The following TRHDE variants were observed in gnomAD, a reference collection of about 807,000 sequenced individuals.
TRHDE encodes thyrotropin-releasing hormone-degrading ectoenzyme.
A neutral mutation model predicts 125.7 loss-of-function variants in TRHDE; 72 were observed. The observed-to-expected ratio is 0.57, with a 90% CI of 0.47 to 0.70. TRHDE has a LOEUF of 0.70. Ranked by LOEUF, TRHDE falls within the 30% of genes least tolerant of loss-of-function variation. TRHDE has a pLI of 0.00. For missense variants in TRHDE, 1,110 were observed against 1,327.1 expected (o/e 0.84, Z 2.54); for synonymous variants, 509 against 509.1 (o/e 1.00, Z 0.00).
intron 3 of TRHDE, among the ~76,000 whole-genome samples, chr12:72,386,023 G>A (rs1872398983): frequency 6.6e-6 from 1 of 152,158 alleles, no homozygotes; most frequent in Non-Finnish European, 1.5e-5. Context: ...GATAGTAAGT[G>A]GCCTCTTCTC....
At chr12:72,380,341 A>G (rs539032530) in intron 3 of TRHDE, among the ~76,000 whole-genome samples, 3 of 152,346 alleles carry the variant, frequency 2.0e-5, no homozygotes, top group South Asian at 2.1e-4. Flanking sequence ...CATTTGTAGC[A>G]TATCAGATTG....
intron 2 of TRHDE, among the ~76,000 whole-genome samples, chr12:72,372,381 C>A (rs1050630380): frequency 3.9e-5 from 6 of 152,062 alleles, no homozygotes; most frequent in African/African-American, 1.5e-4. Flanking sequence ...TGTGCAGAAG[C>A]TCTTTAGTTT....
intron 2 of TRHDE, among the ~76,000 whole-genome samples, chr12:72,159,828 T>A (rs1039785089): frequency 1.3e-5 from 2 of 152,194 alleles, no homozygotes; most frequent in African/African-American, 4.8e-5. Context: ...GCAAATACTA[T>A]GTTAAGTTCT....
intron 6 of TRHDE, among the ~76,000 whole-genome samples, chr12:72,517,103 C>A (rs1878908865): frequency 6.6e-6 from 1 of 151,658 alleles, no homozygotes; most frequent in East Asian, 1.9e-4. Context: ...GTCTAAAATT[C>A]TCTTTTTTGG....
chr12:72,472,953 A>G (rs1876717826), intron 4 of TRHDE, 114 bp from the exon 5 acceptor site: 7 of 843,290 alleles, frequency 8.3e-6, no homozygotes, highest in Non-Finnish European at 1.3e-5. Flanking sequence ...CACAAAATCA[A>G]CTGGGGAATG....
At chr12:72,146,592 A>T (rs1320895944) in intron 2 of TRHDE, among the ~76,000 whole-genome samples, 2 of 152,234 alleles carry the variant, frequency 1.3e-5, no homozygotes, top group African/African-American at 4.8e-5. Context: ...TCTGCAGCTC[A>T]AACCCCTTGA....
intron 10 of TRHDE, among the ~76,000 whole-genome samples, chr12:72,574,874 G>C (rs1870916734): frequency 1.3e-5 from 2 of 152,070 alleles, no homozygotes; most frequent in Non-Finnish European, 2.9e-5. Context: ...CAAATTAGTA[G>C]AATATGCATC....
intron 5 of TRHDE, among the ~76,000 whole-genome samples, chr12:72,489,190 GA>G (rs1365673034): frequency 2.1e-5 from 3 of 142,884 alleles, no homozygotes; most frequent in African/African-American, 7.7e-5. Context: ...AAAAACCATA[GA>G]AAAAATCAAT....
chr12:72,458,566 AC>A, intron 3 of TRHDE, among the ~76,000 whole-genome samples: 1 of 151,762 alleles, frequency 6.6e-6, no homozygotes, highest in Admixed American at 6.6e-5. Flanking sequence ...CTTTTCCCCG[AC>A]CCCAGCCTCT....
At position 72,224,075 on chromosome 12, in the gene TRHDE, T is replaced by C. The variant is rs11179117; in HGVS notation, n.279+118323T>C. On this transcript the variant is annotated intron_variant and non_coding_transcript_variant, in intron 2 of 4. Coordinates refer to the TRHDE transcript ENST00000548156. ...TGTATATGTGTCCTTCCTATCTATCTATCCATCTATCTATCCATCTATCTA... is the reference window on the plus strand; with the variant it reads ...TGTATATGTGTCCTTCCTATCTATCCATCCATCTATCTATCCATCTATCTA... Among the ~76,000 whole-genome samples, 19 of 67,490 alleles carry C rather than the reference T, an allele frequency of 2.8e-4. 1 individual carries two copies. In the South Asian group the frequency reaches 6.1e-3, roughly 22 times the overall value. The allele number at this position is 67,490 out of a possible 152,430, so 44.3% of individuals were successfully genotyped here.
intron 2 of TRHDE, among the ~76,000 whole-genome samples, chr12:72,216,612 T>C (rs1200885664): frequency 6.6e-6 from 1 of 152,126 alleles, no homozygotes; most frequent in East Asian, 1.9e-4. Flanking sequence ...AGAAAAAAAA[T>C]GCCTTTTAAG....
intron 3 of TRHDE, among the ~76,000 whole-genome samples, chr12:72,433,554 C>A (rs1460022647): frequency 6.6e-6 from 1 of 151,848 alleles, no homozygotes; most frequent in Non-Finnish European, 1.5e-5. Context: ...TAGGAACTCA[C>A]TATTTTCAGC....
chr12:72,230,256 T>G (rs534606607), intron 2 of TRHDE, among the ~76,000 whole-genome samples: 6 of 152,306 alleles, frequency 3.9e-5, no homozygotes, highest in Admixed American at 3.9e-4. Context: ...CTTTGTTTTC[T>G]CATCACTATT....
intron 3 of TRHDE, among the ~76,000 whole-genome samples, chr12:72,407,617 T>C (rs1473497343): frequency 6.6e-6 from 1 of 152,200 alleles, no homozygotes; most frequent in Non-Finnish European, 1.5e-5. Context: ...TTTAAAAATA[T>C]AGTAAAGATC....
chr12:72,263,181 A>G (rs1312941327), intron 2 of TRHDE: 1 of 152,090 alleles, frequency 6.6e-6, no homozygotes, highest in Non-Finnish European at 1.5e-5. Flanking sequence ...AGTATCACCT[A>G]TTTGTACATA....
At chr12:72,417,372 T>C (rs1873775494) in intron 3 of TRHDE, among the ~76,000 whole-genome samples, 1 of 152,040 alleles carries the variant, frequency 6.6e-6, no homozygotes. Context: ...AATTAGACTC[T>C]TTTTATTCTT....
At chr12:72,554,550 G>A (rs1219863308) in intron 7 of TRHDE, among the ~76,000 whole-genome samples, 1 of 152,160 alleles carries the variant, frequency 6.6e-6, no homozygotes, top group African/African-American at 2.4e-5. Context: ...GAGCGAAGAG[G>A]TGGGAGAGGG....
upstream of TRHDE, among the ~76,000 whole-genome samples, chr12:72,268,613 G>GT (rs1402731387): frequency 6.6e-6 from 1 of 152,068 alleles, no homozygotes; most frequent in Non-Finnish European, 1.5e-5. Flanking sequence ...AAGAGACTGA[G>GT]TACCCGAGGA....
At chr12:72,282,146 T>A (rs1214020607) in intron 1 of TRHDE, among the ~76,000 whole-genome samples, 1 of 152,178 alleles carries the variant, frequency 6.6e-6, no homozygotes, top group Admixed American at 6.5e-5. Context: ...AATGATTTTG[T>A]TTAGGAAAGC....
Sources: gnomAD v4.1 joint callset for allele counts (sites outside exome capture counted in the v4.1 genomes callset) on GRCh38, gnomAD v4.1.1 for gene constraint, MANE v1.5 for transcripts, NCBI Gene and HGNC (gene_info 2026-07-23, HGNC 2026-07-21) for gene names.